The following KIAA1328 variants were observed in gnomAD, a reference collection of about 807,000 sequenced individuals.
KIAA1328 encodes the protein protein hinderin.
KIAA1328 carries 52 observed loss-of-function variants against 68.1 expected under a neutral mutation model. That is an observed-to-expected ratio of 0.76 (90% CI 0.61 to 0.96). The LOEUF (loss-of-function observed/expected upper bound fraction) is 0.96. Among genes scored for constraint, KIAA1328 ranks in the 40% least tolerant of loss-of-function variants. The pLI is 0.00. For missense variants in KIAA1328, 641 were observed against 677.6 expected (o/e 0.95, Z 0.60); for synonymous variants, 232 against 239.4 (o/e 0.97, Z 0.28).
At chr18:37,101,726 A>G (rs1169437688) in intron 7 of KIAA1328, among the ~76,000 whole-genome samples, 2 of 152,230 alleles carry the variant, frequency 1.3e-5, no homozygotes, top group African/African-American at 4.8e-5. Flanking sequence ...CAGATTCACC[A>G]AAGTTGAAAT....
At chr18:37,027,308 G>T (rs2054623969) in intron 6 of KIAA1328, among the ~76,000 whole-genome samples, 1 of 152,132 alleles carries the variant, frequency 6.6e-6, no homozygotes, top group Non-Finnish European at 1.5e-5. Flanking sequence ...GTAATTTATA[G>T]ATTCAATGCC....
chr18:37,037,579 A>G (rs996648866), intron 6 of KIAA1328, among the ~76,000 whole-genome samples: 2 of 152,200 alleles, frequency 1.3e-5, no homozygotes, highest in Non-Finnish European at 2.9e-5. Flanking sequence ...ACATTACTAA[A>G]TATATGAAAG....
chr18:37,013,611 C>T (rs2151497989), intron 6 of KIAA1328, among the ~76,000 whole-genome samples: 1 of 152,264 alleles, frequency 6.6e-6, no homozygotes, highest in Non-Finnish European at 1.5e-5. Flanking sequence ...GTTTTCTGTT[C>T]CTGCATTAAT....
chr18:36,965,994 G>A (rs1480487088), intron 6 of KIAA1328, among the ~76,000 whole-genome samples: 1 of 151,350 alleles, frequency 6.6e-6, no homozygotes, highest in African/African-American at 2.4e-5. Context: ...AAGGTCTGTA[G>A]GTAAAACAAG....
At position 37,224,854 on chromosome 18, in the gene KIAA1328, C is replaced by A. The variant is rs2060619482; in HGVS notation, c.*2627C>A. The A allele has an allele frequency of 9.1e-6, 9 of 985,468 alleles. No individual in the cohort carries two copies. Among genetic ancestry groups the A allele is most frequent in the Non-Finnish European group, 1.1e-5 (9 of 829,968 alleles). 61.0% of individuals were successfully genotyped at this position (985,468 alleles called of 1,614,324 possible). A position where few individuals can be genotyped will look rare whatever the true frequency, so the allele number is the denominator to read the frequency against. ...TGCCCAACTCCTGTGAGAGAAAAACCAATCAATGTTTACAAAATGGAAAAG... is the reference window on the plus strand; with the variant it reads ...TGCCCAACTCCTGTGAGAGAAAAACAAATCAATGTTTACAAAATGGAAAAG... On this transcript the variant is annotated 3_prime_UTR_variant, in exon 10 of 10. Transcript: ENST00000280020.
At chr18:36,876,002 C>T (rs1049560784) in intron 4 of KIAA1328, among the ~76,000 whole-genome samples, 1 of 151,896 alleles carries the variant, frequency 6.6e-6, no homozygotes, top group Non-Finnish European at 1.5e-5. Context: ...AGCCTTGCAT[C>T]CCAGGGATGA....
chr18:37,219,696 TG>T lies in KIAA1328; in HGVS notation c.1524-2318del, dbSNP rs1272444306. On this transcript the variant is annotated intron_variant, in intron 9 of 9. Coordinates refer to ENST00000280020, the MANE Select transcript of KIAA1328 (RefSeq NM_020776.3). ...AAGACTGTTGGAAAAGCGCAGTGTT[TG>T]GGTGGCAGTGTCCCTATTTTCCAGG... Among the ~76,000 whole-genome samples the T allele has an allele frequency of 2.0e-5, 3 of 152,354 alleles. No homozygotes were observed. The East Asian group carries it at 5.8e-4, about 29-fold the overall frequency.
intron 5 of KIAA1328, among the ~76,000 whole-genome samples, chr18:36,939,256 G>A (rs1034311015): frequency 3.3e-5 from 5 of 151,952 alleles, no homozygotes; most frequent in East Asian, 3.9e-4. Context: ...TTGTGTCATC[G>A]GCAATTTCCT....
In KIAA1328 at chr18:36,917,586, A is replaced by C. The variant is rs552543876; in HGVS notation, c.448+31914A>C. The stretch of plus-strand genomic sequence containing the variant: ...CAAACTCCAAACTCTTGTTTTCTGA[A>C]ATTGGGCAGTAGCTGAAATTTTTTA... On this transcript the variant is annotated intron_variant, in intron 5 of 9. Coordinates refer to ENST00000280020, the MANE Select transcript of KIAA1328 (RefSeq NM_020776.3). Among the ~76,000 whole-genome samples the C allele has an allele frequency of 6.6e-5, 10 of 152,198 alleles. 1 individual carries two copies. In the South Asian group the frequency reaches 2.1e-3, roughly 32 times the overall value.
chr18:36,947,486 C>T (rs986981298), intron 5 of KIAA1328, among the ~76,000 whole-genome samples: 1 of 152,066 alleles, frequency 6.6e-6, no homozygotes, highest in Admixed American at 6.5e-5. Flanking sequence ...GGTGGATTCA[C>T]GGATTTTCTG....
intron 7 of KIAA1328, among the ~76,000 whole-genome samples, chr18:37,148,072 C>T (rs992169620): frequency 5.3e-5 from 8 of 151,980 alleles, no homozygotes; most frequent in African/African-American, 9.7e-5. Context: ...ATCAACCCAT[C>T]GCATAGACAT....
Position 37,222,673 on chromosome 18 carries a change from C to G in KIAA1328, c.*446C>G, listed in dbSNP as rs1312764819. ...AAGCAGTTTCAGAAAGGCAGACTCT[C>G]TCATCTTTCTCATCCTGTTCTCTCA... is the stretch of plus-strand genomic sequence containing the variant. On this transcript the variant is annotated 3_prime_UTR_variant, in exon 10 of 10. Transcript: ENST00000280020. 8.9e-6 allele frequency: 9 copies of G among 1,014,926 alleles called. No individual in the cohort carries two copies. In the African/African-American group the frequency reaches 1.0e-4, roughly 12 times the overall value. 62.9% of individuals were successfully genotyped at this position (1,014,926 alleles called of 1,614,324 possible). A position where few individuals can be genotyped will look rare whatever the true frequency, so the allele number is the denominator to read the frequency against.
intron 5 of KIAA1328, chr18:36,946,360 GCCT>G (rs1331117444): frequency 6.6e-6 from 1 of 152,184 alleles, no homozygotes; most frequent in Non-Finnish European, 1.5e-5. Flanking sequence ...AGAAGGATGG[GCCT>G]CCTCTCACTG....
At chr18:36,940,998 T>C (rs949814270) in intron 5 of KIAA1328, among the ~76,000 whole-genome samples, 1 of 152,132 alleles carries the variant, frequency 6.6e-6, no homozygotes, top group African/African-American at 2.4e-5. Flanking sequence ...CTTATGCGAC[T>C]TTTGACCAAT....
chr18:37,114,708 A>G (rs2058049633), intron 7 of KIAA1328, among the ~76,000 whole-genome samples: 1 of 152,350 alleles, frequency 6.6e-6, no homozygotes, highest in Non-Finnish European at 1.5e-5. Flanking sequence ...TTAGAAAATC[A>G]ATGAATCCAG....
At chr18:37,149,623 G>A (rs1015220202) in intron 7 of KIAA1328, among the ~76,000 whole-genome samples, 1 of 152,128 alleles carries the variant, frequency 6.6e-6, no homozygotes, top group Non-Finnish European at 1.5e-5. Flanking sequence ...AAGTATTTGT[G>A]TACCTGAATA....
At chr18:36,952,646 A>G (rs1194837182) in intron 5 of KIAA1328, among the ~76,000 whole-genome samples, 1 of 152,190 alleles carries the variant, frequency 6.6e-6, no homozygotes, top group East Asian at 1.9e-4. Flanking sequence ...TACTGAATCC[A>G]CAGTACTGCC....
At chr18:37,112,284 C>G (rs2057955429) in intron 7 of KIAA1328, among the ~76,000 whole-genome samples, 1 of 152,206 alleles carries the variant, frequency 6.6e-6, no homozygotes, top group South Asian at 2.1e-4. Context: ...TAGGAGCCGA[C>G]TGATACTTCA....
chr18:37,193,788 T>G (rs1011883219), intron 9 of KIAA1328: 4 of 612,142 alleles, frequency 6.5e-6, no homozygotes, highest in Admixed American at 5.5e-5. Flanking sequence ...AAGAACAAAT[T>G]CATAGGGTAT....
Sources: allele counts gnomAD v4.1 joint callset (sites outside exome capture counted in the v4.1 genomes callset), GRCh38; gene constraint gnomAD v4.1.1; transcripts MANE v1.5; gene names NCBI Gene and HGNC (gene_info 2026-07-23, HGNC 2026-07-21).